The following ZNF814 variants were observed in gnomAD, a reference collection of about 807,000 sequenced individuals.
ZNF814 encodes zinc finger protein 814.
ZNF814 carries 5 observed loss-of-function variants against 7.5 expected under a neutral mutation model. The ratio of observed to expected loss-of-function variants is 0.67; its 90% CI spans 0.35 to 1.40. ZNF814 has a LOEUF of 1.40. Ranked by LOEUF, ZNF814 falls within the 40% of genes most tolerant of loss-of-function variation. The pLI, the probability that ZNF814 is intolerant of heterozygous loss-of-function variation, is 0.04. For missense variants in ZNF814, 962 were observed against 1,018.0 expected, an observed-to-expected ratio of 0.94 and a Z score of 0.75; for synonymous variants, 315 against 340.7, an observed-to-expected ratio of 0.92 and a Z score of 0.83.
chr19:57,871,977 T>G lies in ZNF814; in HGVS notation c.*845A>C, dbSNP rs1244669775. On this transcript the variant is annotated 3_prime_UTR_variant, in exon 3 of 3. Transcript: ENST00000435989. The stretch of plus-strand genomic sequence containing the variant: ...TAAAAAAATTAGTGGAGCATGGTAG[T>G]GCATGCCTGTGGTTTCAGCTACTCA... 2.6e-5 allele frequency among the ~76,000 whole-genome samples: 4 copies of G among 151,952 alleles called. No individual in the cohort carries two copies. Among genetic ancestry groups the G allele is most frequent in the Non-Finnish European group, 5.9e-5 (4 of 67,974 alleles).
chr19:57,872,957 T>C lies in ZNF814; in HGVS notation c.2433A>G (p.Glu811=). The change falls in exon 3 of 3, where the codon GAA becomes GAG. Residue 811 remains glutamate, a synonymous_variant. Coordinates refer to ENST00000435989, the MANE Select transcript of ZNF814 (RefSeq NM_001144989.2). ...TCTTGTGTTTAGTGAGACTGGAGCT[T>C]TCAGCAAAAGATTTTCCACATTCAC... ...ECSECGKSFA[E]SSSLTKHKRV... 2.5e-6 allele frequency: 4 copies of C among 1,613,702 alleles called. No individual in the cohort carries two copies. Among genetic ancestry groups the C allele is most frequent in the South Asian group, 1.1e-5 (1 of 91,058 alleles).
chr19:57,873,354 T>C lies in ZNF814; in HGVS notation c.2036A>G (p.Gln679Arg), dbSNP rs756516476. The C allele has an allele frequency of 2.8e-5, 44 of 1,598,138 alleles. 1 individual carries two copies. The South Asian group carries it at 4.9e-4, about 18-fold the overall frequency. ...FSHKGNLILH[Q>R]HGHTGERPYV... ...AGGTCTTTCTCCAGTATGGCCATGC[T>C]GGTGTAGAATGAGGTTACCCTTGTG... The change falls in exon 3 of 3, where the codon CAG (glutamine) becomes CGG (arginine). Residue 679 changes from glutamine (Q) to arginine (R), a missense_variant. By Grantham distance (43) the Gln-to-Arg change is conservative (BLOSUM62 1). Transcript: ENST00000435989.
At chr19:57,896,247 CTGAT>C in the ZNF814 span, among the ~76,000 whole-genome samples, 1 of 151,112 alleles carries the variant, frequency 6.6e-6, no homozygotes, top group African/African-American at 2.4e-5. This position sits in a 1 kb window ranked among gnomAD's most constrained non-coding sequence, Gnocchi z 4.2. Flanking sequence ...ATTCCAGTTT[CTGAT>C]TGGTTGGTGT....
upstream of ZNF814, among the ~76,000 whole-genome samples, chr19:57,893,817 G>A (rs1348396566): frequency 3.3e-5 from 5 of 151,858 alleles, no homozygotes; most frequent in Non-Finnish European, 2.9e-5. Flanking sequence ...CTACTCGGGA[G>A]GCTGAGGCAG....
chr19:57,884,022 G>C (rs2071669898), intron 1 of ZNF814, among the ~76,000 whole-genome samples: 1 of 152,146 alleles, frequency 6.6e-6, no homozygotes, highest in Non-Finnish European at 1.5e-5. Flanking sequence ...CTCCCAAAGT[G>C]CTGGGATTAT....
rs11084521 is a variant in ZNF814 at position 57,871,174 on chromosome 19, C to A, written c.*1648G>T. ...TTGCAAGAGCTGGGCAACAGACTTC[C>A]CTCAGCCGTACCAAGTACAATGCAA... is the stretch of plus-strand genomic sequence containing the variant. On this transcript the variant is annotated 3_prime_UTR_variant, in exon 3 of 3. Coordinates refer to ENST00000435989, the MANE Select transcript of ZNF814 (RefSeq NM_001144989.2). 2.0e-5 allele frequency: 3 copies of A among 152,056 alleles called. No homozygotes were observed. In the East Asian group the frequency reaches 5.8e-4, roughly 29 times the overall value. The allele number at this position is 152,056 out of a possible 1,614,324, so 9.4% of individuals were successfully genotyped here.
At chr19:57,883,325 A>C (rs2122456113) in intron 1 of ZNF814, among the ~76,000 whole-genome samples, 1 of 145,188 alleles carries the variant, frequency 6.9e-6, no homozygotes, top group East Asian at 2.0e-4. Context: ...ACGCCACTGC[A>C]CTCTAGCCTG....
intron 1 of ZNF814, among the ~76,000 whole-genome samples, chr19:57,877,676 C>G (rs147717886): frequency 4.6e-5 from 7 of 152,026 alleles, no homozygotes; most frequent in Non-Finnish European, 8.8e-5. Flanking sequence ...CTCCTGACCT[C>G]GTAATCCTCC....
At chr19:57,885,572 G>C (rs1403817096) in intron 1 of ZNF814, among the ~76,000 whole-genome samples, 8 of 150,072 alleles carry the variant, frequency 5.3e-5, no homozygotes, top group Non-Finnish European at 1.5e-5. Flanking sequence ...AGAGGTTGCA[G>C]TGAGCCGAGA....
At chr19:57,893,746 C>A (rs1209983737), upstream of ZNF814, among the ~76,000 whole-genome samples, 2 of 151,702 alleles carry the variant, frequency 1.3e-5, no homozygotes, top group African/African-American at 4.8e-5. Context: ...TGGTAAAACC[C>A]CGTCTCTACT....
Position 57,873,776 on chromosome 19 carries a change from A to T in ZNF814, c.1614T>A (p.His538Gln). 6.2e-7 allele frequency: 1 copy of T among 1,613,824 alleles called. No individual in the cohort carries two copies. Among genetic ancestry groups the T allele is most frequent in the South Asian group, 1.1e-5 (1 of 91,050 alleles). Residue 538 changes from histidine (H) to glutamine (Q), a missense_variant, in exon 3 of 3, where the codon CAT (histidine) becomes CAA (glutamine). Transcript: ENST00000435989. ...GTCTGTCCCCAGTGTGAATTTGCTG[A>T]TGGTTCCTAAGATGTCCTTTTGAAC... ...SFSSKGHLRNHQQIHTGDRLY... is the reference protein window; with the variant it reads ...SFSSKGHLRNQQQIHTGDRLY...
the ZNF814 span, chr19:57,901,549 ATG>A: frequency 2.3e-5 from 9 of 398,352 alleles, no homozygotes; most frequent in African/African-American, 1.6e-4. Context: ...AAGGTCTATC[ATG>A]AGCCACACCA....
At chr19:57,901,601 G>A in the ZNF814 span, 3 of 398,522 alleles carry the variant, frequency 7.5e-6, no homozygotes, top group African/African-American at 6.2e-5. Context: ...CTCCCTATAC[G>A]AGTGATGGCA....
Position 57,874,991 on chromosome 19 carries a change from T to C in ZNF814, c.399A>G (p.Gly133=). The C allele has an allele frequency of 6.2e-7, 1 of 1,612,204 alleles. No homozygotes were observed. The highest frequency in any genetic ancestry group is 8.5e-7 in the Non-Finnish European group (1 of 1,178,692). Residue 133 remains glycine (G), a synonymous_variant, in exon 3 of 3, where the codon GGA becomes GGG. Coordinates refer to ENST00000435989, the MANE Select transcript of ZNF814 (RefSeq NM_001144989.2). ...GCTCATTCTGGTGCTGATGAAAGTT[T>C]CCACTGTCATACAATTTATTCCCCC... The part of the protein sequence containing the change: ...EAWGNKLYDS[G]NFHQHQNEHI...
chr19:57,873,910 A>G lies in ZNF814; in HGVS notation c.1480T>C (p.Cys494Arg), dbSNP rs2071580112. ...CTGAAAGATTTCCCACATTCTCCAC[A>G]CTGATAAGGTCTTTCTCCACTGTGA... ...RVHSGERPYQ[C>R]GECGKSFSQK... Residue 494 changes from cysteine to arginine, a missense_variant, in exon 3 of 3, where the codon TGT (cysteine) becomes CGT (arginine). This residue lies in a region of ZNF814 where 665 missense variants were observed against 551.4 expected (regional missense o/e 1.21). Transcript: ENST00000435989. 2.5e-6 allele frequency: 4 copies of G among 1,613,688 alleles called. No homozygotes were observed. Among genetic ancestry groups the G allele is most frequent in the Non-Finnish European group, 3.4e-6 (4 of 1,179,856 alleles).
At position 57,872,113 on chromosome 19, in the gene ZNF814, A is replaced by C. The variant is rs1359534434; in HGVS notation, c.*709T>G. Among the ~76,000 whole-genome samples the C allele has an allele frequency of 6.6e-6, 1 of 152,210 alleles. No individual in the cohort carries two copies. The highest frequency in any genetic ancestry group is 1.5e-5 in the Non-Finnish European group (1 of 68,048). On this transcript the variant is annotated 3_prime_UTR_variant, in exon 3 of 3. Transcript: ENST00000435989. Reference sequence around the variant, plus strand: ...ACAGTGACAACCTGTCTCAAAAAAAATCTAGCAAGGTACCTGGGTATAGTG... The same window carrying C: ...ACAGTGACAACCTGTCTCAAAAAAACTCTAGCAAGGTACCTGGGTATAGTG...
In ZNF814 at chr19:57,888,752, AG is replaced by A. The variant is rs1439729690; in HGVS notation, c.36+14del. ...CGATGAGGTGACCTGAGGACACAGA[AG>A]GCCCCACAATTACCTGAGCGGAGAG... On this transcript the variant is annotated intron_variant, in intron 1 of 2. Transcript: ENST00000435989. The A allele has an allele frequency of 1.3e-6, 2 of 1,553,706 alleles. No individual in the cohort carries two copies. Among genetic ancestry groups the A allele is most frequent in the African/African-American group, 2.7e-5 (2 of 73,082 alleles).
At chr19:57,903,298 C>T in the ZNF814 span, among the ~76,000 whole-genome samples, 1 of 152,148 alleles carries the variant, frequency 6.6e-6, no homozygotes, top group Non-Finnish European at 1.5e-5. Flanking sequence ...TGCAAACTGT[C>T]AAATTTGTTG....
the ZNF814 span, among the ~76,000 whole-genome samples, chr19:57,896,821 T>G: frequency 6.6e-6 from 1 of 152,188 alleles, no homozygotes; most frequent in South Asian, 2.1e-4. The surrounding 1 kb of genome is among the most constrained non-coding windows in gnomAD (Gnocchi z 4.2). Flanking sequence ...TCTCACTCTA[T>G]CTCAGTACTT....
Sources: allele counts gnomAD v4.1 joint callset (sites outside exome capture counted in the v4.1 genomes callset), GRCh38; gene constraint gnomAD v4.1.1; regional missense constraint gnomAD v4.1.1; non-coding constraint Gnocchi (gnomAD v3.1); transcripts MANE v1.5; gene names NCBI Gene and HGNC (gene_info 2026-07-23, HGNC 2026-07-21).